The following RGS6 variants were observed in gnomAD, a reference collection of about 807,000 sequenced individuals.
RGS6 encodes regulator of G protein signaling 6, also known as regulator of G-protein signaling 6.
Under a neutral mutation model 78.5 loss-of-function variants are expected in RGS6, and 30 were observed. That is an observed-to-expected ratio of 0.38 (90% CI 0.29 to 0.52). RGS6 has a LOEUF of 0.52. Among genes scored for constraint, RGS6 ranks in the 20% least tolerant of loss-of-function variants. The pLI, the probability that RGS6 is intolerant of heterozygous loss-of-function variation, is 0.85. For missense variants in RGS6, 495 were observed against 609.7 expected (o/e 0.81, Z 1.98); for synonymous variants, 206 against 206.0 (o/e 1.00, Z 0.00).
In RGS6 at chr14:72,555,457, G is replaced by A. The variant is rs2097560035; in HGVS notation, c.1423-6960G>A. On this transcript the variant is annotated intron_variant, in intron 17 of 17. Transcript: ENST00000553525. ...CCGCTTCGCAGCATAGAACCTGCCTGAGATAAGCTCAAGCATGCTCAAGAA... is the reference window on the plus strand; with the variant it reads ...CCGCTTCGCAGCATAGAACCTGCCTAAGATAAGCTCAAGCATGCTCAAGAA... Among the ~76,000 whole-genome samples the A allele has an allele frequency of 2.0e-5, 3 of 152,364 alleles. No individual in the cohort carries two copies. The South Asian group carries it at 6.2e-4, about 32-fold the overall frequency.
intron 2 of RGS6, among the ~76,000 whole-genome samples, chr14:72,238,322 G>A (rs928691279): frequency 2.6e-5 from 4 of 152,192 alleles, no homozygotes; most frequent in African/African-American, 9.7e-5. Context: ...GGGAAAACAG[G>A]GATAACTCTT....
chr14:72,160,852 G>A (rs2096842660), intron 2 of RGS6, among the ~76,000 whole-genome samples: 1 of 152,200 alleles, frequency 6.6e-6, no homozygotes, highest in African/African-American at 2.4e-5. Flanking sequence ...CACACAGTCT[G>A]TGGTATTTTA....
At chr14:71,995,185 CT>C (rs1227750896) in intron 2 of RGS6, among the ~76,000 whole-genome samples, 2 of 152,130 alleles carry the variant, frequency 1.3e-5, no homozygotes, top group Non-Finnish European at 2.9e-5. Context: ...TACCATGTCC[CT>C]CTCAGTCCCT....
At chr14:72,279,382 C>G (rs951560472) in intron 2 of RGS6, among the ~76,000 whole-genome samples, 9 of 152,064 alleles carry the variant, frequency 5.9e-5, no homozygotes, top group Admixed American at 1.3e-4. Context: ...GCTGCTGTTG[C>G]CTGCCAAAGA....
chr14:72,367,542 G>A (rs2082673719), intron 3 of RGS6, among the ~76,000 whole-genome samples: 1 of 152,112 alleles, frequency 6.6e-6, no homozygotes, highest in Admixed American at 6.5e-5. Flanking sequence ...GAATGGATTT[G>A]ATTAAAATTA....
chr14:72,137,488 C>T (rs140323266), intron 2 of RGS6, among the ~76,000 whole-genome samples: 309 of 152,330 alleles, frequency 2.0e-3, no homozygotes, highest in African/African-American at 7.1e-3. Context: ...AAATGCCAAT[C>T]GCAAGTCCCA....
rs545441462 is a variant in RGS6 at position 72,398,995 on chromosome 14, G to A, written c.184+46801G>A. 5.1e-4 allele frequency among the ~76,000 whole-genome samples: 77 copies of A among 152,022 alleles called. 2 individuals are homozygous for A. The South Asian group carries it at 0.016, about 32-fold the overall frequency. On this transcript the variant is annotated intron_variant, in intron 3 of 17. Transcript: ENST00000553525. ...AACTATGTGGTCAATTTTGGAATAG[G>A]TGTGGTGTGGTGCTGAAAAGAATGT...
intron 3 of RGS6, among the ~76,000 whole-genome samples, chr14:72,412,491 A>G (rs1161046167): frequency 2.0e-5 from 3 of 151,954 alleles, no homozygotes; most frequent in Admixed American, 6.6e-5. Flanking sequence ...CAGTCTATCC[A>G]TTTTGTTGAT....
At chr14:72,314,058 G>A (rs1346671335) in intron 2 of RGS6, among the ~76,000 whole-genome samples, 1 of 152,098 alleles carries the variant, frequency 6.6e-6, no homozygotes, top group Non-Finnish European at 1.5e-5. Flanking sequence ...TGTGGGTTTG[G>A]GTATGCTACT....
intron 3 of RGS6, among the ~76,000 whole-genome samples, chr14:72,368,136 A>G (rs1258738639): frequency 6.6e-6 from 1 of 152,236 alleles, no homozygotes; most frequent in Non-Finnish European, 1.5e-5. Flanking sequence ...TGGGAAGTCC[A>G]AAAGCATGGT....
At chr14:71,868,307 T>C in the RGS6 span, among the ~76,000 whole-genome samples, 1 of 152,112 alleles carries the variant, frequency 6.6e-6, no homozygotes, top group Non-Finnish European at 1.5e-5. Context: ...AATGAGATGA[T>C]TTTGATAACT....
At chr14:72,313,195 A>G (rs2069098585) in intron 2 of RGS6, among the ~76,000 whole-genome samples, 1 of 152,238 alleles carries the variant, frequency 6.6e-6, no homozygotes, top group Non-Finnish European at 1.5e-5. Flanking sequence ...GAAATGACAC[A>G]GATGCTACAG....
chr14:72,213,982 A>C (rs925190572), intron 2 of RGS6, among the ~76,000 whole-genome samples: 2 of 152,088 alleles, frequency 1.3e-5, no homozygotes, highest in African/African-American at 4.8e-5. Flanking sequence ...TGTGCTGAAG[A>C]GGTAGTTGTC....
intron 3 of RGS6, among the ~76,000 whole-genome samples, chr14:72,399,962 C>G (rs940938943): frequency 2.6e-5 from 4 of 152,182 alleles, no homozygotes; most frequent in Non-Finnish European, 5.9e-5. Flanking sequence ...GGAAAACACT[C>G]TGCAGGATAT....
chr14:72,023,017 C>T (rs548623905), intron 2 of RGS6, among the ~76,000 whole-genome samples: 58 of 152,318 alleles, frequency 3.8e-4, no homozygotes, highest in African/African-American at 1.4e-3. Context: ...TTCATCTATA[C>T]TTCCAAACTC....
intron 1 of RGS6, among the ~76,000 whole-genome samples, chr14:71,956,918 T>C (rs919330322): frequency 3.9e-5 from 6 of 152,202 alleles, no homozygotes; most frequent in Admixed American, 6.5e-5. Context: ...GTAAAAGTGC[T>C]GTGTGTTCAA....
intron 15 of RGS6, among the ~76,000 whole-genome samples, chr14:72,524,218 G>A (rs561990747): frequency 6.6e-6 from 1 of 152,302 alleles, no homozygotes; most frequent in African/African-American, 2.4e-5. Flanking sequence ...AAGGATGTAA[G>A]AACTGAATTT....
intron 3 of RGS6, among the ~76,000 whole-genome samples, chr14:72,386,529 C>A (rs2088112426): frequency 6.6e-6 from 1 of 152,132 alleles, no homozygotes; most frequent in African/African-American, 2.4e-5. Flanking sequence ...CAGAGCGAGA[C>A]TCCATCTCAA....
At chr14:71,949,109 A>G (rs2091980566) in intron 1 of RGS6, among the ~76,000 whole-genome samples, 1 of 147,864 alleles carries the variant, frequency 6.8e-6, no homozygotes, top group East Asian at 2.0e-4. Flanking sequence ...AGACATATGA[A>G]TAGTGCTGCT....
Sources: gnomAD v4.1 joint callset for allele counts (sites outside exome capture counted in the v4.1 genomes callset) on GRCh38, gnomAD v4.1.1 for gene constraint, MANE v1.5 for transcripts, NCBI Gene and HGNC (gene_info 2026-07-23, HGNC 2026-07-21) for gene names.